The following FBXL6 variants were observed in gnomAD, a reference collection of about 807,000 sequenced individuals.
The protein encoded by FBXL6 is F-box/LRR-repeat protein 6.
A neutral mutation model predicts 53.3 loss-of-function variants in FBXL6; 50 were observed. The ratio of observed to expected loss-of-function variants is 0.94; its 90% CI spans 0.75 to 1.19. The LOEUF is 1.19. Ranked by LOEUF, FBXL6 falls within the 50% of genes most tolerant of loss-of-function variation. FBXL6 has a pLI of 0.00. For synonymous variants in FBXL6, 405 were observed against 322.9 expected, an observed-to-expected ratio of 1.25 and a Z score of -2.73; for missense variants, 815 against 719.0, an observed-to-expected ratio of 1.13 and a Z score of -1.53.
chr8:144,357,849 C>T (rs1243237167), intron 1 of FBXL6, 63 bp from the exon 2 acceptor site: 38 of 1,449,478 alleles, frequency 2.6e-5, no homozygotes, highest in Non-Finnish European at 3.3e-5. Context: ...TCTCGCAGCG[C>T]AGTAGACACC....
intron 3 of FBXL6, 151 bp downstream of exon 3, chr8:144,357,288 T>C: frequency 8.0e-7 from 1 of 1,253,708 alleles, no homozygotes; most frequent in Non-Finnish European, 1.1e-6. Flanking sequence ...ACCTCCCTGC[T>C]GGAGGAAACA....
At chr8:144,357,968 CA>C in intron 1 of FBXL6, 63 bp downstream of exon 1, 1 of 1,503,962 alleles carries the variant, frequency 6.6e-7, no homozygotes, top group Admixed American at 2.3e-5. Flanking sequence ...CCGCCCGGGC[CA>C]CCGCTCGGAC....
chr8:144,357,641 G>A lies in FBXL6; in HGVS notation c.562C>T (p.Leu188Phe), dbSNP rs1297450030. 5 of 1,609,778 alleles carry A rather than the reference G, an allele frequency of 3.1e-6. No homozygotes were observed. The highest frequency in any genetic ancestry group is 4.2e-6 in the Non-Finnish European group (5 of 1,178,012). ...GGAACCCCTCACCGATTGGGCATAA[G>A]CCACTCCAGGGAAGCAAGGAGCTTC... ...EKKLLASLEW[L>F]MPNRFSQLQR... is the part of the protein sequence containing the mutation. Residue 188 changes from leucine (L) to phenylalanine (F), a missense_variant, in exon 2 of 9, where the codon CTT becomes TTT. By Grantham distance (22) the Leu-to-Phe change is conservative (BLOSUM62 0). Coordinates refer to ENST00000331890, the MANE Select transcript of FBXL6 (RefSeq NM_012162.4).
At chr8:144,357,533 A>C in intron 2 of FBXL6, 31 bp from the exon 3 acceptor site, 1 of 1,613,068 alleles carries the variant, frequency 6.2e-7, no homozygotes, top group Non-Finnish European at 8.5e-7. Flanking sequence ...GAGCTGCACT[A>C]ATGTTCCCAC....
Position 144,355,472 on chromosome 8 carries a change from A to T in FBXL6, c.*59T>A, listed in dbSNP as rs1475520384. 1.3e-6 allele frequency: 2 copies of T among 1,578,216 alleles called. No homozygotes were observed. Among genetic ancestry groups the T allele is most frequent in the Non-Finnish European group, 1.7e-6 (2 of 1,159,632 alleles). ...TTTTAACAAAATGCTCAAATATCTG[A>T]AATTGGGCAAAGGTGGAGGGTGGGC... On this transcript the variant is annotated 3_prime_UTR_variant, in exon 9 of 9. Coordinates refer to ENST00000331890, the MANE Select transcript of FBXL6 (RefSeq NM_012162.4).
chr8:144,355,866 G>A (rs1274830661), intron 8 of FBXL6, 102 bp downstream of exon 8: 1 of 1,562,744 alleles, frequency 6.4e-7, no homozygotes, highest in Admixed American at 1.7e-5. Flanking sequence ...ATGCCCCTCT[G>A]ACCCCTGGAG....
intron 1 of FBXL6, 69 bp downstream of exon 1, chr8:144,357,963 C>G: frequency 1.3e-6 from 2 of 1,492,988 alleles, no homozygotes; most frequent in South Asian, 1.3e-5. Context: ...CGCCCCCGCC[C>G]GGGCCACCGC....
chr8:144,356,450 C>T lies in FBXL6; in HGVS notation c.1075G>A (p.Glu359Lys). ...GTTGAGCTCGCCAGGCAGAGCTCCT[C>T]TAGGCTAGGGAAGCCTGGTCCGGGA... Reference protein sequence around the residue: ...VAPGPGFPSLEELCLASSTCN... With the variant: ...VAPGPGFPSLKELCLASSTCN... The change falls in exon 7 of 9, where the codon GAG (glutamate) becomes AAG (lysine). Residue 359 changes from glutamate (E) to lysine (K), a missense_variant. By Grantham distance (56) the Glu-to-Lys change is moderately conservative (BLOSUM62 1). Transcript: ENST00000331890. 2 of 1,613,024 alleles carry T rather than the reference C, an allele frequency of 1.2e-6. No individual in the cohort carries two copies. Among genetic ancestry groups the T allele is most frequent in the South Asian group, 1.1e-5 (1 of 91,092 alleles).
chr8:144,355,631 G>C lies in FBXL6; in HGVS notation c.1520C>G (p.Ser507Cys). 4 of 1,611,098 alleles carry C rather than the reference G, an allele frequency of 2.5e-6. No homozygotes were observed. The highest frequency in any genetic ancestry group is 3.4e-6 in the Non-Finnish European group (4 of 1,179,828). ...CPGLLYLNLE[S>C]CRCLPRGLKR... The stretch of plus-strand genomic sequence containing the variant: ...CAGACCCCGGGGAAGGCAGCGGCAG[G>C]ACTCCAGGTTGAGGTAGAGCAGGCC... Residue 507 changes from serine (S) to cysteine (C), a missense_variant, in exon 9 of 9, where the codon TCC becomes TGC. Transcript: ENST00000331890.
chr8:144,357,836 C>A (rs782387578), intron 1 of FBXL6, 50 bp from the exon 2 acceptor site: 2 of 1,458,004 alleles, frequency 1.4e-6, no homozygotes, highest in Non-Finnish European at 1.8e-6. Flanking sequence ...GGCGATGCCC[C>A]CCTCTCGCAG....
intron 1 of FBXL6, 106 bp from the exon 2 acceptor site, chr8:144,357,892 T>C: frequency 7.0e-7 from 1 of 1,438,776 alleles, no homozygotes; most frequent in East Asian, 2.5e-5. Flanking sequence ...GGACTCCAAC[T>C]GGGCGCCTAA....
rs1009525003 is a variant in FBXL6, at chr8:144,357,292, G to T, written c.639+147C>A. 4.8e-6 allele frequency: 6 copies of T among 1,244,502 alleles called. No individual in the cohort carries two copies. The East Asian group carries it at 1.0e-4, about 21-fold the overall frequency. 77.1% of individuals were successfully genotyped at this position (1,244,502 alleles called of 1,614,324 possible). Reference sequence around the variant, plus strand: ...CCGCCTCTGATACCTCCCTGCTGGAGGAAACAGCAGGAAAAGAGAACCAGG... The same window carrying T: ...CCGCCTCTGATACCTCCCTGCTGGATGAAACAGCAGGAAAAGAGAACCAGG... On this transcript the variant is annotated intron_variant, in intron 3 of 8. Transcript: ENST00000331890.
rs782580052 is a variant in FBXL6 at position 144,356,483 on chromosome 8, C to G, written c.1042G>C (p.Gly348Arg). The change falls in exon 7 of 9, where the codon GGG becomes CGG. Residue 348 changes from glycine to arginine, a missense_variant. Physicochemically the swap from Gly to Arg is moderately radical, Grantham distance 125. Coordinates refer to ENST00000331890, the MANE Select transcript of FBXL6 (RefSeq NM_012162.4). ...LMWLPKPPGR[G>R]VAPGPGFPSL... is the part of the protein sequence containing the mutation. ...GGGAAGCCTGGTCCGGGAGCCACCC[C>G]TCGTCCCGGAGGCTTGGGCAGCCAC... 17 of 1,612,888 alleles carry G rather than the reference C, an allele frequency of 1.1e-5. No individual in the cohort carries two copies. In the African/African-American group the frequency reaches 1.5e-4, roughly 14 times the overall value.
rs1361096706 is a variant in FBXL6, at chr8:144,355,799, A to T, written c.1473-121T>A. 9.9e-6 allele frequency: 15 copies of T among 1,522,354 alleles called. No individual in the cohort carries two copies. The African/African-American group carries it at 2.1e-4, about 21-fold the overall frequency. 94.3% of individuals were successfully genotyped at this position (1,522,354 alleles called of 1,614,324 possible). A position where few individuals can be genotyped will look rare whatever the true frequency, so the allele number is the denominator to read the frequency against. On this transcript the variant is annotated intron_variant, in intron 8 of 8. Coordinates refer to ENST00000331890, the MANE Select transcript of FBXL6 (RefSeq NM_012162.4). ...CTGCCACCCATAGCCACCAAGGCCA[A>T]GCCCAGTTCCCCTGGTGTCCTCAGG... is the stretch of plus-strand genomic sequence containing the variant.
In FBXL6 at chr8:144,356,521, A is replaced by C. The variant is rs1554852832; in HGVS notation, c.1004T>G (p.Leu335Arg). 2 of 1,612,808 alleles carry C rather than the reference A, an allele frequency of 1.2e-6. No individual in the cohort carries two copies. Among genetic ancestry groups the C allele is most frequent in the African/African-American group, 2.7e-5 (2 of 74,916 alleles). Reference protein sequence around the residue: ...KGCPQLQVLRLLNLMWLPKPP... With the variant: ...KGCPQLQVLRRLNLMWLPKPP... ...CTTGGGCAGCCACATCAGGTTCAAC[A>C]GCCGCAGCACCTGGGGGCAAGGTCC... Residue 335 changes from leucine (L) to arginine (R), a missense_variant, in exon 7 of 9, where the codon CTG (leucine) becomes CGG (arginine). By Grantham distance (102) the Leu-to-Arg change is moderately radical. Coordinates refer to ENST00000331890, the MANE Select transcript of FBXL6 (RefSeq NM_012162.4).
Position 144,356,560 on chromosome 8 carries a change from G to C in FBXL6, c.994-29C>G, listed in dbSNP as rs782717185. 6.2e-6 allele frequency: 10 copies of C among 1,612,650 alleles called. No individual in the cohort carries two copies. In the Admixed American group the frequency reaches 6.7e-5, roughly 11 times the overall value. On this transcript the variant is annotated intron_variant, in intron 6 of 8. Coordinates refer to ENST00000331890, the MANE Select transcript of FBXL6 (RefSeq NM_012162.4). ...GGGGCAAGGTCCAGGCTGTAGATGG[G>C]GGAGGGTGTGACAGGTGGGAGAGGC...
At position 144,357,064 on chromosome 8, in the gene FBXL6, C is replaced by T. The variant is rs1265502275; in HGVS notation, c.697G>A (p.Val233Met). 36 of 1,612,860 alleles carry T rather than the reference C, an allele frequency of 2.2e-5. No homozygotes were observed. Among genetic ancestry groups the T allele is most frequent in the Non-Finnish European group, 3.0e-5 (35 of 1,180,028 alleles). The change falls in exon 4 of 9, where the codon GTG becomes ATG. Residue 233 changes from valine (V) to methionine (M), a missense_variant. Transcript: ENST00000331890. ...AGCATGACCAGAGCGTCAGCAGTCA[C>T]ACCGTGGCAGCCGGAGAGCTTGAGG... ...TFLKLSGCHG[V>M]TADALVMLAK...
Position 144,356,997 on chromosome 8 carries a change from T to G in FBXL6, c.764A>C (p.His255Pro). 6.2e-7 allele frequency: 1 copy of G among 1,612,782 alleles called. No homozygotes were observed. The highest frequency in any genetic ancestry group is 8.5e-7 in the Non-Finnish European group (1 of 1,179,960). ...TTGGGACACAGGGCTCACCATGGAG[T>G]GCTGTAGGTCCAGGCTATGGAGCTG... ...CCQLHSLDLQHSMVESTAVVS... is the reference protein window; with the variant it reads ...CCQLHSLDLQPSMVESTAVVS... The change falls in exon 4 of 9, where the codon CAC (histidine) becomes CCC (proline). Residue 255 changes from histidine to proline, a missense_variant. By Grantham distance (77) the His-to-Pro change is moderately conservative. Coordinates refer to ENST00000331890, the MANE Select transcript of FBXL6 (RefSeq NM_012162.4).
At position 144,356,226 on chromosome 8, in the gene FBXL6, G is replaced by C. The variant is rs1051714810; in HGVS notation, c.1226-12C>G. On this transcript the variant is annotated splice_polypyrimidine_tract_variant and intron_variant, in intron 7 of 8. Coordinates refer to ENST00000331890, the MANE Select transcript of FBXL6 (RefSeq NM_012162.4). ...AAGCTGCTCCAGCTCTGCAGTGAAA[G>C]GAGTGAGCATAAGCTACAAGGTGAC... The C allele has an allele frequency of 1.7e-5, 22 of 1,259,418 alleles. No homozygotes were observed. Among genetic ancestry groups the C allele is most frequent in the Non-Finnish European group, 2.0e-5 (20 of 995,376 alleles). The allele number at this position is 1,259,418 out of a possible 1,614,324, so 78.0% of individuals were successfully genotyped here. A position where few individuals can be genotyped will look rare whatever the true frequency, so the allele number is the denominator to read the frequency against.
Sources: gnomAD v4.1 joint callset for allele counts on GRCh38, gnomAD v4.1.1 for gene constraint, MANE v1.5 for transcripts, NCBI Gene and HGNC (gene_info 2026-07-23, HGNC 2026-07-21) for gene names.